Variants in ACOT13 observed in about 807,000 individuals in gnomAD.
ACOT13 encodes acyl-coenzyme A thioesterase 13.
A neutral mutation model predicts 11.8 loss-of-function variants in ACOT13; 10 were observed. The observed-to-expected ratio is 0.85, with a 90% CI of 0.53 to 1.44. The LOEUF is 1.44. Among genes scored for constraint, ACOT13 ranks in the 40% most tolerant of loss-of-function variants. The pLI, the probability that ACOT13 is intolerant of heterozygous loss-of-function variation, is 0.00. For synonymous variants in ACOT13, 53 were observed against 61.0 expected (o/e 0.87, Z 0.61); for missense variants, 172 against 174.1 (o/e 0.99, Z 0.07).
rs1778916159 is a variant in ACOT13 at position 24,702,874 on chromosome 6, C to T, written c.*1259C>T. Reference sequence around the variant, plus strand: ...TCTATAGTATTGAAAAGACCAAGTTCACTTCTCAGAAGTCTCCAAGTTCAG... The same window carrying T: ...TCTATAGTATTGAAAAGACCAAGTTTACTTCTCAGAAGTCTCCAAGTTCAG... On this transcript the variant is annotated 3_prime_UTR_variant, in exon 3 of 3. Coordinates refer to ENST00000230048, the MANE Select transcript of ACOT13 (RefSeq NM_018473.4). The T allele has an allele frequency of 6.6e-6, 1 of 152,068 alleles. No individual in the cohort carries two copies. 9.4% of individuals were successfully genotyped at this position (152,068 alleles called of 1,614,324 possible). A position where few individuals can be genotyped will look rare whatever the true frequency, so the allele number is the denominator to read the frequency against.
At chr6:24,670,071 G>A (rs1051569873) in intron 1 of ACOT13, among the ~76,000 whole-genome samples, 2 of 152,186 alleles carry the variant, frequency 1.3e-5, no homozygotes, top group Non-Finnish European at 1.5e-5. Flanking sequence ...GGCAAGACTA[G>A]TATCTAACAA....
intron 1 of ACOT13, among the ~76,000 whole-genome samples, chr6:24,697,484 A>G (rs1277472360): frequency 2.0e-5 from 3 of 151,334 alleles, no homozygotes; most frequent in Non-Finnish European, 4.4e-5. Flanking sequence ...AGTGACTTAA[A>G]ATGTTATTAT....
At chr6:24,693,726 CT>C (rs879806313) in intron 1 of ACOT13, among the ~76,000 whole-genome samples, 306 of 140,124 alleles carry the variant, frequency 2.2e-3, no homozygotes, top group Middle Eastern at 3.7e-3. Context: ...CAACCTGAGT[CT>C]TTTTTTTTTT....
Position 24,698,083 on chromosome 6 carries a change from G to A in ACOT13, c.266+16G>A, listed in dbSNP as rs1582446869. ...TGAACATAACGTATGTATCCAAACT[G>A]TATTCCAAATCCCTTCTGTGTGATA... On this transcript the variant is annotated intron_variant, in intron 2 of 2. Transcript: ENST00000230048. 1.3e-6 allele frequency: 2 copies of A among 1,565,420 alleles called. No homozygotes were observed. Among genetic ancestry groups the A allele is most frequent in the Non-Finnish European group, 1.7e-6 (2 of 1,155,068 alleles).
At position 24,704,429 on chromosome 6, in the gene ACOT13, T is replaced by C. The variant is rs1448579559; in HGVS notation, c.*2814T>C. The C allele has an allele frequency of 5.9e-5, 9 of 152,234 alleles. No homozygotes were observed. The highest frequency in any genetic ancestry group is 4.6e-4 in the Admixed American group (7 of 15,280). 9.4% of individuals were successfully genotyped at this position (152,234 alleles called of 1,614,324 possible). On this transcript the variant is annotated 3_prime_UTR_variant, in exon 3 of 3. Coordinates refer to ENST00000230048, the MANE Select transcript of ACOT13 (RefSeq NM_018473.4). ...AATTCAACATGGTAAATTAAGAGCA[T>C]AGGCCTTAAGAGCCAGCCAGCCTGG... is the stretch of plus-strand genomic sequence containing the variant.
chr6:24,702,657 A>G lies in ACOT13; in HGVS notation c.*1042A>G, dbSNP rs1778912258. 6.6e-6 allele frequency: 1 copy of G among 152,230 alleles called. No individual in the cohort carries two copies. The highest frequency in any genetic ancestry group is 2.1e-4 in the South Asian group (1 of 4,834). The allele number at this position is 152,230 out of a possible 1,614,324, so 9.4% of individuals were successfully genotyped here. On this transcript the variant is annotated 3_prime_UTR_variant, in exon 3 of 3. Coordinates refer to ENST00000230048, the MANE Select transcript of ACOT13 (RefSeq NM_018473.4). ...TTTTAAGATTATGAAACTTCAAAAT[A>G]TATGAACTACAGCCCATATTGAAAA...
At chr6:24,667,386 G>T in intron 1 of ACOT13, 42 bp downstream of exon 1, 1 of 1,584,386 alleles carries the variant, frequency 6.3e-7, no homozygotes, top group Non-Finnish European at 8.7e-7. Flanking sequence ...TCTAATGAAG[G>T]AAAAGAAAGC....
At chr6:24,700,477 C>T (rs973654379) in intron 2 of ACOT13, among the ~76,000 whole-genome samples, 9 of 137,784 alleles carry the variant, frequency 6.5e-5, no homozygotes, top group Admixed American at 1.5e-4. Context: ...GCTCTGTTGC[C>T]CAGGCTGGAG....
chr6:24,690,605 C>T (rs1778704849), intron 1 of ACOT13, among the ~76,000 whole-genome samples: 1 of 152,178 alleles, frequency 6.6e-6, no homozygotes, highest in African/African-American at 2.4e-5. Flanking sequence ...GCATATCTGT[C>T]ACCACCACCA....
At chr6:24,677,488 G>A (rs1043473086) in intron 1 of ACOT13, among the ~76,000 whole-genome samples, 9 of 152,154 alleles carry the variant, frequency 5.9e-5, no homozygotes, top group African/African-American at 2.2e-4. Context: ...AAACAATGAG[G>A]CCAACCCTTT....
intron 1 of ACOT13, among the ~76,000 whole-genome samples, chr6:24,669,794 C>T (rs1335413436): frequency 1.3e-5 from 2 of 152,098 alleles, no homozygotes; most frequent in African/African-American, 2.4e-5. Context: ...ACATAGGCCA[C>T]GTTATTCTGA....
intron 1 of ACOT13, among the ~76,000 whole-genome samples, chr6:24,672,224 C>T (rs2127621291): frequency 6.6e-6 from 1 of 152,098 alleles, no homozygotes; most frequent in East Asian, 1.9e-4. Context: ...TGAAAACCTT[C>T]ATTCTTTGAG....
intron 1 of ACOT13, among the ~76,000 whole-genome samples, chr6:24,671,817 C>A (rs1423669428): frequency 6.6e-6 from 1 of 152,118 alleles, no homozygotes; most frequent in East Asian, 1.9e-4. Flanking sequence ...CTGTAGCACA[C>A]AATAATTTTA....
Position 24,682,334 on chromosome 6 carries a change from G to A in ACOT13, c.81+14990G>A, listed in dbSNP as rs371288362. On this transcript the variant is annotated intron_variant, in intron 1 of 2. Transcript: ENST00000230048. ...TGCTTCCAGAGCTCCCAAGATGGTTGTGGGCCACTTCCACAATGGTGGCAG... is the reference window on the plus strand; with the variant it reads ...TGCTTCCAGAGCTCCCAAGATGGTTATGGGCCACTTCCACAATGGTGGCAG... 3.9e-5 allele frequency among the ~76,000 whole-genome samples: 6 copies of A among 152,296 alleles called. No individual in the cohort carries two copies. In the East Asian group the frequency reaches 5.8e-4, roughly 15 times the overall value.
At chr6:24,674,197 G>A (rs1778408254) in intron 1 of ACOT13, among the ~76,000 whole-genome samples, 1 of 152,100 alleles carries the variant, frequency 6.6e-6, no homozygotes, top group Non-Finnish European at 1.5e-5. Flanking sequence ...GAGTCGCTGG[G>A]ATTACACGTG....
At position 24,703,687 on chromosome 6, in the gene ACOT13, G is replaced by C. The variant is rs559241245; in HGVS notation, c.*2072G>C. ...TAGTTAAAGACTGGTTTGGGTTTTA[G>C]TCTGGAAAGAATCGCCAAGGGAGCT... On this transcript the variant is annotated 3_prime_UTR_variant, in exon 3 of 3. Coordinates refer to ENST00000230048, the MANE Select transcript of ACOT13 (RefSeq NM_018473.4). 4.6e-5 allele frequency: 7 copies of C among 152,200 alleles called. No individual in the cohort carries two copies. The highest frequency in any genetic ancestry group is 1.7e-4 in the African/African-American group (7 of 41,430). 9.4% of individuals were successfully genotyped at this position (152,200 alleles called of 1,614,324 possible).
intron 2 of ACOT13, among the ~76,000 whole-genome samples, chr6:24,698,624 C>G (rs1190873395): frequency 6.6e-6 from 1 of 151,164 alleles, no homozygotes; most frequent in East Asian, 2.0e-4. Context: ...CTCTAACAAA[C>G]TGAACACCAT....
intron 1 of ACOT13, among the ~76,000 whole-genome samples, chr6:24,670,265 T>C (rs1778338183): frequency 6.6e-6 from 1 of 152,244 alleles, no homozygotes. Context: ...CTTTGTTCCA[T>C]AGAAGGAATC....
At chr6:24,691,827 G>A (rs956189846) in intron 1 of ACOT13, among the ~76,000 whole-genome samples, 5 of 152,264 alleles carry the variant, frequency 3.3e-5, no homozygotes, top group Middle Eastern at 3.4e-3. Flanking sequence ...CGATGAGGTC[G>A]CATTGGGATA....
Sources: allele counts gnomAD v4.1 joint callset (sites outside exome capture counted in the v4.1 genomes callset), GRCh38; gene constraint gnomAD v4.1.1; transcripts MANE v1.5; gene names NCBI Gene and HGNC (gene_info 2026-07-23, HGNC 2026-07-21).